Variants in TMEFF2 observed in about 807,000 individuals in gnomAD.
TMEFF2 encodes the protein tomoregulin-2.
A neutral mutation model predicts 53.8 loss-of-function variants in TMEFF2; 28 were observed. The ratio of observed to expected loss-of-function variants is 0.52; its 90% CI spans 0.39 to 0.71. The LOEUF is 0.71. TMEFF2 is among the 30% of genes least tolerant of loss of function. TMEFF2 has a pLI of 0.00. For missense variants in TMEFF2, 353 were observed against 455.2 expected (o/e 0.78, Z 2.04); for synonymous variants, 162 against 166.3 (o/e 0.97, Z 0.20).
At chr2:191,979,213 A>AAAAC (rs531250823) in intron 7 of TMEFF2, among the ~76,000 whole-genome samples, 74 of 152,326 alleles carry the variant, frequency 4.9e-4, no homozygotes, top group African/African-American at 1.7e-3. Flanking sequence ...CCCCACCTGA[A>AAAAC]AAACAATTCT....
rs573490827 is a variant in TMEFF2 at position 192,152,460 on chromosome 2, T to C, written c.439+27208A>G. On this transcript the variant is annotated intron_variant, in intron 4 of 9. Transcript: ENST00000272771. Reference sequence around the variant, plus strand: ...GAGACCAGGACATTATATGATATAATAGGGTCATGAAAAAAAAGGATTTGA... The same window carrying C: ...GAGACCAGGACATTATATGATATAACAGGGTCATGAAAAAAAAGGATTTGA... Among the ~76,000 whole-genome samples the C allele has an allele frequency of 9.2e-5, 14 of 151,662 alleles. No homozygotes were observed. In the South Asian group the frequency reaches 2.9e-3, roughly 31 times the overall value.
At chr2:192,100,464 C>A (rs1300968475) in intron 4 of TMEFF2, among the ~76,000 whole-genome samples, 1 of 152,128 alleles carries the variant, frequency 6.6e-6, no homozygotes, top group South Asian at 2.1e-4. Flanking sequence ...TTAACCTTAT[C>A]GAACAAAGGC....
intron 5 of TMEFF2, among the ~76,000 whole-genome samples, chr2:192,042,019 G>T (rs1356435219): frequency 1.3e-5 from 2 of 152,034 alleles, no homozygotes; most frequent in Non-Finnish European, 2.9e-5. Flanking sequence ...TGACCAACAT[G>T]GTGAAAACCT....
chr2:192,075,312 T>TATATATATATATATAA (rs1688399999), intron 4 of TMEFF2, among the ~76,000 whole-genome samples: 3 of 105,778 alleles, frequency 2.8e-5, no homozygotes, highest in Non-Finnish European at 5.5e-5. Flanking sequence ...TATATATATA[T>TATATATATATATATAA]ATATATATAT....
At position 192,191,880 on chromosome 2, in the gene TMEFF2, C is replaced by T. The variant is rs1246831983; in HGVS notation, c.282G>A (p.Lys94=). 3 of 1,601,990 alleles carry T rather than the reference C, an allele frequency of 1.9e-6. No individual in the cohort carries two copies. The highest frequency in any genetic ancestry group is 2.6e-6 in the Non-Finnish European group (3 of 1,169,376). ...AAGATGCAAATATAAGACTTCTTAC[C>T]TTGAACTGACAGACGCAAGTCACAG... The part of the protein sequence containing the change: ...GDTVTCVCQF[K]CNNDYVPVCG... Residue 94 remains lysine (K), a splice_region_variant and synonymous_variant, in exon 2 of 10, where the codon AAG becomes AAA. Transcript: ENST00000272771.
intron 4 of TMEFF2, among the ~76,000 whole-genome samples, chr2:192,101,722 T>A (rs1689035277): frequency 6.6e-6 from 1 of 152,174 alleles, no homozygotes; most frequent in Non-Finnish European, 1.5e-5. Flanking sequence ...CCAGGCAGCA[T>A]CTCATGCTAT....
At chr2:191,981,335 A>ATT (rs5837270) in intron 7 of TMEFF2, among the ~76,000 whole-genome samples, 2 of 151,886 alleles carry the variant, frequency 1.3e-5, no homozygotes, top group Non-Finnish European at 2.9e-5. Flanking sequence ...TGTCTATAAC[A>ATT]TTTTTTCTCT....
chr2:191,949,506 T>G lies in TMEFF2; in HGVS notation c.*805A>C, dbSNP rs1028121968. On this transcript the variant is annotated 3_prime_UTR_variant, in exon 10 of 10. Coordinates refer to ENST00000272771, the MANE Select transcript of TMEFF2 (RefSeq NM_016192.4). ...ACATCTAGTGGTGTTATTACATTTT[T>G]CCCCTGGTAATTCCACCCACCTAAA... The G allele has an allele frequency of 1.0e-6, 1 of 985,314 alleles. No individual in the cohort carries two copies. Among genetic ancestry groups the G allele is most frequent in the Non-Finnish European group, 1.2e-6 (1 of 829,930 alleles). The allele number at this position is 985,314 out of a possible 1,614,324, so 61.0% of individuals were successfully genotyped here. A position where few individuals can be genotyped will look rare whatever the true frequency, so the allele number is the denominator to read the frequency against.
chr2:191,978,563 G>A (rs567679815), intron 7 of TMEFF2, among the ~76,000 whole-genome samples: 19 of 151,632 alleles, frequency 1.3e-4, no homozygotes, highest in African/African-American at 4.1e-4. Flanking sequence ...GATACCTTAA[G>A]CTTACTAAAA....
rs554103902 is a variant in TMEFF2 at position 192,112,183 on chromosome 2, T to C, written c.440-54408A>G. 5.3e-4 allele frequency among the ~76,000 whole-genome samples: 80 copies of C among 152,264 alleles called. 1 individual carries two copies. The South Asian group carries it at 0.012, about 22-fold the overall frequency. On this transcript the variant is annotated intron_variant, in intron 4 of 9. Coordinates refer to ENST00000272771, the MANE Select transcript of TMEFF2 (RefSeq NM_016192.4). The stretch of plus-strand genomic sequence containing the variant: ...CCAGAATGGTAGATCCACTGACAGC[T>C]TGCCCTGTGCACCTGGAAACGCTGC...
intron 4 of TMEFF2, among the ~76,000 whole-genome samples, chr2:192,172,617 G>C (rs917183475): frequency 4.6e-5 from 7 of 151,938 alleles, no homozygotes; most frequent in African/African-American, 1.2e-4. Context: ...ATGGGATTAG[G>C]GTTAGATAAA....
chr2:192,106,439 A>T (rs1331163966), intron 4 of TMEFF2, among the ~76,000 whole-genome samples: 1 of 151,742 alleles, frequency 6.6e-6, no homozygotes, highest in Non-Finnish European at 1.5e-5. Context: ...TAACTTGATA[A>T]TAAACCAAAA....
chr2:192,063,683 G>A (rs10931518), intron 4 of TMEFF2, among the ~76,000 whole-genome samples: 70,962 of 151,266 alleles, frequency 0.47, 17,639 homozygotes, highest in Admixed American at 0.6. Context: ...GTAAATTTGC[G>A]TCTAGTTCTC....
At chr2:192,134,249 T>A (rs1689939241) in intron 4 of TMEFF2, among the ~76,000 whole-genome samples, 1 of 152,224 alleles carries the variant, frequency 6.6e-6, no homozygotes, top group Non-Finnish European at 1.5e-5. Flanking sequence ...CCATTGTTCC[T>A]GGCCCGGACT....
At chr2:192,037,602 G>A (rs990699126) in intron 5 of TMEFF2, among the ~76,000 whole-genome samples, 4 of 135,814 alleles carry the variant, frequency 2.9e-5, no homozygotes, top group Non-Finnish European at 4.8e-5. Flanking sequence ...GTGTTTGTGC[G>A]TGTGTGAGAG....
intron 5 of TMEFF2, among the ~76,000 whole-genome samples, chr2:192,025,452 A>G (rs1686950736): frequency 6.6e-6 from 1 of 151,990 alleles, no homozygotes; most frequent in Non-Finnish European, 1.5e-5. Context: ...ATAAGAAGAC[A>G]TGGAAAACAG....
chr2:192,168,005 A>T (rs1690812288), intron 4 of TMEFF2, among the ~76,000 whole-genome samples: 2 of 152,246 alleles, frequency 1.3e-5, no homozygotes, highest in African/African-American at 4.8e-5. Context: ...CAATTCTATG[A>T]AACGTTGTTG....
At chr2:192,174,623 C>T (rs1219562525) in intron 4 of TMEFF2, among the ~76,000 whole-genome samples, 3 of 151,754 alleles carry the variant, frequency 2.0e-5, no homozygotes, top group Non-Finnish European at 4.4e-5. Context: ...AGAACAGCAG[C>T]TCTCAGGTGT....
At chr2:191,955,258 TAAA>T (rs1343478546) in intron 8 of TMEFF2, among the ~76,000 whole-genome samples, 1 of 150,902 alleles carries the variant, frequency 6.6e-6, no homozygotes, top group African/African-American at 2.5e-5. Flanking sequence ...TTAATGTAAA[TAAA>T]AATAAAAATA....
Sources: allele counts gnomAD v4.1 joint callset (sites outside exome capture counted in the v4.1 genomes callset), GRCh38; gene constraint gnomAD v4.1.1; transcripts MANE v1.5; gene names NCBI Gene and HGNC (gene_info 2026-07-23, HGNC 2026-07-21).